GRK7: variants seen among roughly 807,000 people sequenced by gnomAD.
GRK7 encodes rhodopsin kinase GRK7.
A neutral mutation model predicts 34.1 loss-of-function variants in GRK7; 24 were observed. The observed-to-expected ratio is 0.70, with a 90% CI of 0.51 to 0.99. The LOEUF is 0.99. Among genes scored for constraint, GRK7 ranks in the 50% least tolerant of loss-of-function variants. The pLI, the probability that GRK7 is intolerant of heterozygous loss-of-function variation, is 0.00. For missense variants in GRK7, 644 were observed against 707.3 expected (o/e 0.91, Z 1.02); for synonymous variants, 256 against 279.4 (o/e 0.92, Z 0.84).
chr3:141,817,020 A>C lies in GRK7; in HGVS notation c.1632A>C (p.Ser544=), dbSNP rs761429653. 6.2e-7 allele frequency: 1 copy of C among 1,609,478 alleles called. No individual in the cohort carries two copies. Among genetic ancestry groups the C allele is most frequent in the Non-Finnish European group, 8.5e-7 (1 of 1,178,930 alleles). ...NRPTGCEEGN[S]SKSGVCLLL ...CTACGGGTTGTGAGGAGGGTAATTC[A>C]TCCAAGTCTGGCGTGTGTTTGTTAT... Residue 544 remains serine (S), a synonymous_variant, in exon 6 of 6, where the codon TCA becomes TCC. Transcript: ENST00000682958.
At chr3:141,791,496 A>G (rs914850149) in intron 4 of GRK7, among the ~76,000 whole-genome samples, 5 of 152,196 alleles carry the variant, frequency 3.3e-5, no homozygotes, top group African/African-American at 1.2e-4. Context: ...GCATTGACCA[A>G]ATTTAATTCC....
chr3:141,785,435 A>G lies in GRK7; in HGVS notation c.1050+4624A>G, dbSNP rs138879109. ...TGGGCCCAGGAGGACAAGACCAGTC[A>G]ATAGTGCGAACCCCATCTCTTAAAA... On this transcript the variant is annotated intron_variant, in intron 4 of 5. Transcript: ENST00000682958. Among the ~76,000 whole-genome samples the G allele has an allele frequency of 6.9e-3, 1,043 of 152,204 alleles. 18 individuals are homozygous for G. The highest frequency in any genetic ancestry group is 0.024 in the African/African-American group (1,013 of 41,530).
chr3:141,803,955 C>T (rs1341753017), intron 4 of GRK7, among the ~76,000 whole-genome samples: 1 of 152,110 alleles, frequency 6.6e-6, no homozygotes, highest in Non-Finnish European at 1.5e-5. Context: ...ATGATCCGCC[C>T]GCCTCAGCCT....
At chr3:141,786,876 G>T (rs1158509451) in intron 4 of GRK7, among the ~76,000 whole-genome samples, 1 of 152,110 alleles carries the variant, frequency 6.6e-6, no homozygotes, top group Admixed American at 6.6e-5. Flanking sequence ...TTCAATATGG[G>T]CATAGAGGCT....
intron 1 of GRK7, among the ~76,000 whole-genome samples, chr3:141,767,635 AGG>A (rs2084595811): frequency 6.6e-6 from 1 of 152,122 alleles, no homozygotes; most frequent in African/African-American, 2.4e-5. Flanking sequence ...TCCTGACCTC[AGG>A]CGATCCATCC....
At chr3:141,774,985 G>A (rs945847447) in intron 2 of GRK7, among the ~76,000 whole-genome samples, 28 of 151,892 alleles carry the variant, frequency 1.8e-4, no homozygotes, top group African/African-American at 6.3e-4. Context: ...CAGAGACGGG[G>A]TTTCGCCATG....
At chr3:141,777,191 G>A (rs2084643667) in intron 2 of GRK7, among the ~76,000 whole-genome samples, 1 of 152,064 alleles carries the variant, frequency 6.6e-6, no homozygotes, top group Non-Finnish European at 1.5e-5. Context: ...CGTGCTTTCT[G>A]TCTTTGGGAT....
At position 141,816,921 on chromosome 3, in the gene GRK7, T is replaced by A; in HGVS notation, c.1533T>A (p.Gly511=). The A allele has an allele frequency of 6.2e-7, 1 of 1,614,082 alleles. No individual in the cohort carries two copies. Among genetic ancestry groups the A allele is most frequent in the Non-Finnish European group, 8.5e-7 (1 of 1,179,990 alleles). The stretch of plus-strand genomic sequence containing the variant: ...AGTTCTTCAAAAACTTTGCGACAGG[T>A]GCTGTTCCTATAGCATGGCAGGAAG... ...DKQFFKNFAT[G]AVPIAWQEEI... Residue 511 remains glycine, a synonymous_variant, in exon 6 of 6, where the codon GGT becomes GGA. Transcript: ENST00000682958.
rs2084575191 is a variant in GRK7 at position 141,765,258 on chromosome 3, G to A, written c.-695G>A. ...GAGCCAGCTGTTCCTTCTCCCTGAA[G>A]TGCTCTACCCTCAGGCAGTCACATG... is the stretch of plus-strand genomic sequence containing the variant. On this transcript the variant is annotated 5_prime_UTR_variant, in exon 1 of 6. In the 5' UTR this introduces an upstream ATG that the reference lacks. Coordinates refer to ENST00000682958, the MANE Select transcript of GRK7 (RefSeq NM_139209.3). 6.6e-6 allele frequency among the ~76,000 whole-genome samples: 1 copy of A among 152,210 alleles called. No homozygotes were observed. Among genetic ancestry groups the A allele is most frequent in the South Asian group, 2.1e-4 (1 of 4,830 alleles).
intron 1 of GRK7, among the ~76,000 whole-genome samples, chr3:141,773,573 A>G (rs769472309): frequency 4.6e-5 from 7 of 152,060 alleles, no homozygotes; most frequent in South Asian, 2.1e-4. Context: ...GTGCAGTGGC[A>G]CTATCTCGGC....
At chr3:141,786,637 G>A (rs2084697620) in intron 4 of GRK7, among the ~76,000 whole-genome samples, 1 of 152,072 alleles carries the variant, frequency 6.6e-6, no homozygotes, top group African/African-American at 2.4e-5. Context: ...AATTAGCTGG[G>A]CATGATGGCA....
chr3:141,774,989 C>T (rs1340248568), intron 2 of GRK7, among the ~76,000 whole-genome samples: 8 of 152,006 alleles, frequency 5.3e-5, no homozygotes, highest in African/African-American at 1.7e-4. Context: ...GACGGGGTTT[C>T]GCCATGTTGC....
At chr3:141,801,081 C>T (rs1043233162) in intron 4 of GRK7, among the ~76,000 whole-genome samples, 15 of 151,886 alleles carry the variant, frequency 9.9e-5, no homozygotes, top group Admixed American at 6.6e-4. Flanking sequence ...GAGGCCGAGG[C>T]GGGCGGATCA....
intron 4 of GRK7, among the ~76,000 whole-genome samples, chr3:141,793,420 TGA>T (rs1032385606): frequency 6.6e-6 from 1 of 152,208 alleles, no homozygotes; most frequent in Non-Finnish European, 1.5e-5. Flanking sequence ...GTTTGTGTTT[TGA>T]GAGTATTGTG....
chr3:141,767,347 A>G (rs998562850), intron 1 of GRK7, among the ~76,000 whole-genome samples: 5 of 152,046 alleles, frequency 3.3e-5, no homozygotes, highest in African/African-American at 1.2e-4. Flanking sequence ...GTTTTATACT[A>G]TGATACCATG....
At chr3:141,807,470 C>T (rs983684375) in intron 4 of GRK7, among the ~76,000 whole-genome samples, 175 bp from the exon 5 acceptor site, 1 of 152,132 alleles carries the variant, frequency 6.6e-6, no homozygotes, top group Non-Finnish European at 1.5e-5. Context: ...CCAAAGCTGC[C>T]GGGAAAGCAG....
intron 4 of GRK7, among the ~76,000 whole-genome samples, chr3:141,798,085 G>T (rs1439472996): frequency 6.6e-6 from 1 of 152,190 alleles, no homozygotes; most frequent in Non-Finnish European, 1.5e-5. Flanking sequence ...CAGCTACAGG[G>T]TCAATGGAAG....
rs1470069835 is a variant in GRK7, at chr3:141,778,218, A to G, written c.-67A>G. On this transcript the variant is annotated 5_prime_UTR_variant, in exon 3 of 6. Coordinates refer to ENST00000682958, the MANE Select transcript of GRK7 (RefSeq NM_139209.3). This position sits in a 1 kb window ranked among gnomAD's most constrained non-coding sequence, Gnocchi z 4.1. ...CCCTTGGACGTTGTCTCACCCGGGAAGGGAAAGCAGCCAGCAGCCCTCCAG... is the reference window on the plus strand; with the variant it reads ...CCCTTGGACGTTGTCTCACCCGGGAGGGGAAAGCAGCCAGCAGCCCTCCAG... 3.2e-5 allele frequency: 49 copies of G among 1,509,848 alleles called. No individual in the cohort carries two copies. The highest frequency in any genetic ancestry group is 3.8e-5 in the Non-Finnish European group (43 of 1,128,918). The allele number at this position is 1,509,848 out of a possible 1,614,324, so 93.5% of individuals were successfully genotyped here.
intron 1 of GRK7, among the ~76,000 whole-genome samples, chr3:141,772,033 T>C (rs1023284869): frequency 2.6e-5 from 4 of 151,980 alleles, no homozygotes. Flanking sequence ...TGTTGAACAA[T>C]CAACAACTTG....
Sources: allele counts gnomAD v4.1 joint callset (sites outside exome capture counted in the v4.1 genomes callset), GRCh38; gene constraint gnomAD v4.1.1; non-coding constraint Gnocchi (gnomAD v3.1); transcripts MANE v1.5; gene names NCBI Gene and HGNC (gene_info 2026-07-23, HGNC 2026-07-21).